Variants in ABCB1 observed in about 807,000 individuals in gnomAD.
The protein encoded by ABCB1 is ATP-dependent translocase ABCB1.
A neutral mutation model predicts 142.0 loss-of-function variants in ABCB1; 69 were observed. That is an observed-to-expected ratio of 0.49 (90% confidence interval 0.40 to 0.59). ABCB1 has a LOEUF of 0.59. ABCB1 is among the 20% of genes least tolerant of loss of function. The pLI is 0.00. For synonymous variants in ABCB1, 532 were observed against 539.2 expected (o/e 0.99, Z 0.18); for missense variants, 1,326 against 1,554.7 (o/e 0.85, Z 2.47).
chr7:87,512,252 T>C (rs1338956150), intron 25 of ABCB1, among the ~76,000 whole-genome samples: 1 of 152,116 alleles, frequency 6.6e-6, no homozygotes, highest in Non-Finnish European at 1.5e-5. Context: ...CCCTCAAAAC[T>C]TGGAGGATCC....
In ABCB1 at chr7:87,633,258, C is replaced by T. The variant is rs146155509; in HGVS notation, c.-330-32180G>A. 4.5e-3 allele frequency among the ~76,000 whole-genome samples: 692 copies of T among 152,258 alleles called. 5 individuals are homozygous for T. Among genetic ancestry groups the T allele is most frequent in the African/African-American group, 0.016 (653 of 41,554 alleles). On this transcript the variant is annotated intron_variant, in intron 1 of 28. Transcript: ENST00000265724. ...TTTGTATAACTGAAATTTATTTAAG[C>T]GCACAAGTTTAATCCACAACACATA...
chr7:87,700,537 A>C, intron 1 of ABCB1: 2 of 1,612,760 alleles, frequency 1.2e-6, no homozygotes, highest in Non-Finnish European at 8.5e-7. Flanking sequence ...GGAAAATGTC[A>C]GTTCTTCTAG....
intron 21 of ABCB1, among the ~76,000 whole-genome samples, chr7:87,524,558 G>A (rs981653116): frequency 2.6e-5 from 4 of 151,618 alleles, no homozygotes; most frequent in East Asian, 1.9e-4. Context: ...CACAGGAAGC[G>A]GAACATCACA....
intron 4 of ABCB1, among the ~76,000 whole-genome samples, chr7:87,580,890 A>C (rs1818478080): frequency 6.6e-6 from 1 of 151,842 alleles, no homozygotes; most frequent in Non-Finnish European, 1.5e-5. Flanking sequence ...AGAGTGGTGC[A>C]GGCAATTCAA....
chr7:87,665,474 G>A (rs1384922722), intron 1 of ABCB1, among the ~76,000 whole-genome samples: 1 of 152,082 alleles, frequency 6.6e-6, no homozygotes, highest in Non-Finnish European at 1.5e-5. Flanking sequence ...ATGCTCATGG[G>A]TTGGAAGAAT....
intron 1 of ABCB1, among the ~76,000 whole-genome samples, chr7:87,635,870 T>C (rs868359182): frequency 6.6e-6 from 1 of 152,200 alleles, no homozygotes; most frequent in Admixed American, 6.5e-5. Flanking sequence ...GTGTTTAGCT[T>C]ATTTTGTTCA....
intron 1 of ABCB1, among the ~76,000 whole-genome samples, chr7:87,685,124 T>A (rs976351290): frequency 6.6e-6 from 1 of 152,178 alleles, no homozygotes; most frequent in Non-Finnish European, 1.5e-5. Flanking sequence ...TTTTACTCCC[T>A]GAAAGACACT....
intron 4 of ABCB1, among the ~76,000 whole-genome samples, chr7:87,576,568 A>G (rs1379423460): frequency 6.6e-6 from 1 of 151,698 alleles, no homozygotes; most frequent in African/African-American, 2.4e-5. Flanking sequence ...AGCAAATAGT[A>G]AATGTTCAAT....
intron 18 of ABCB1, among the ~76,000 whole-genome samples, chr7:87,540,702 G>T (rs1816498367): frequency 6.6e-6 from 1 of 152,110 alleles, no homozygotes; most frequent in South Asian, 2.1e-4. Context: ...CACTCACCTC[G>T]GCCTCCCAAA....
intron 14 of ABCB1, among the ~76,000 whole-genome samples, chr7:87,546,381 G>A (rs1462752454): frequency 6.6e-6 from 1 of 152,044 alleles, no homozygotes; most frequent in Non-Finnish European, 1.5e-5. Context: ...AAGGTCAGGA[G>A]ATCAAGACCA....
intron 1 of ABCB1, among the ~76,000 whole-genome samples, chr7:87,627,227 T>C (rs1349591232): frequency 6.6e-6 from 1 of 152,158 alleles, no homozygotes; most frequent in Non-Finnish European, 1.5e-5. Context: ...ACGTGCGTTG[T>C]TAAAACATTC....
rs566732031 is a variant in ABCB1 at position 87,618,892 on chromosome 7, C to T, written c.-330-17814G>A. On this transcript the variant is annotated intron_variant, in intron 1 of 28. Transcript: ENST00000265724. ...CAGCAACACTCAGTCAAAAGCCAGC[C>T]GGAAATCAGGGACCCCACTCTTACA... is the stretch of plus-strand genomic sequence containing the variant. 8.7e-4 allele frequency among the ~76,000 whole-genome samples: 133 copies of T among 152,202 alleles called. 2 individuals are homozygous for T. Among genetic ancestry groups the T allele is most frequent in the South Asian group, 3.9e-3 (19 of 4,816 alleles).
chr7:87,566,693 C>A, intron 6 of ABCB1, 92 bp downstream of exon 6: 1 of 1,266,894 alleles, frequency 7.9e-7, no homozygotes, highest in East Asian at 2.4e-5. Flanking sequence ...TTGAATGATA[C>A]ATTAACACCT....
At chr7:87,570,350 TTTAA>T in intron 4 of ABCB1, 127 bp from the exon 5 acceptor site, 1 of 925,420 alleles carries the variant, frequency 1.1e-6, no homozygotes, top group Non-Finnish European at 1.8e-6. Context: ...CTGACTCAGT[TTTAA>T]TTGTGTGTAA....
At chr7:87,628,475 G>C (rs2130157894) in intron 1 of ABCB1, 1 of 186,778 alleles carries the variant, frequency 5.4e-6, no homozygotes. Context: ...GGGCTCGCGC[G>C]CGCGCCGTCT....
intron 1 of ABCB1, among the ~76,000 whole-genome samples, chr7:87,694,383 C>G (rs1828305619): frequency 6.6e-6 from 1 of 152,140 alleles, no homozygotes; most frequent in Admixed American, 6.5e-5. Flanking sequence ...CCTTTATTTA[C>G]TTATTCAAAC....
At chr7:87,628,571 TGGTG>T (rs1820836674) in intron 1 of ABCB1, 1 of 315,706 alleles carries the variant, frequency 3.2e-6, no homozygotes, top group East Asian at 4.7e-5. Flanking sequence ...AGGGCGGAGG[TGGTG>T]CGTGCGTGCG....
intron 1 of ABCB1, chr7:87,628,593 GT>G: frequency 1.6e-5 from 2 of 124,706 alleles, no homozygotes; most frequent in East Asian, 1.2e-4. Context: ...GCGTGTGTGT[GT>G]GTGTGTGTGT....
intron 1 of ABCB1, among the ~76,000 whole-genome samples, chr7:87,706,112 A>G (rs1326478097): frequency 6.6e-6 from 1 of 152,162 alleles, no homozygotes; most frequent in African/African-American, 2.4e-5. Context: ...TTGTTTAATT[A>G]GACCAGTTTC....
Sources: gnomAD v4.1 joint callset for allele counts (sites outside exome capture counted in the v4.1 genomes callset) on GRCh38, gnomAD v4.1.1 for gene constraint, MANE v1.5 for transcripts, NCBI Gene and HGNC (gene_info 2026-07-23, HGNC 2026-07-21) for gene names.